Variants in SCAPER observed in about 807,000 individuals in gnomAD.
SCAPER encodes S phase cyclin A-associated protein in the endoplasmic reticulum.
A neutral mutation model predicts 182.2 loss-of-function variants in SCAPER; 98 were observed. That is an observed-to-expected ratio of 0.54 (90% CI 0.46 to 0.64). SCAPER has a LOEUF of 0.64. Ranked by LOEUF, SCAPER falls within the 30% of genes least tolerant of loss-of-function variation. SCAPER has a pLI of 0.00. For synonymous variants in SCAPER, 605 were observed against 564.6 expected (o/e 1.07, Z -1.01); for missense variants, 1,432 against 1,690.0 (o/e 0.85, Z 2.68).
intron 25 of SCAPER, among the ~76,000 whole-genome samples, chr15:76,466,525 T>C (rs780368524): frequency 1.3e-5 from 2 of 149,926 alleles, no homozygotes; most frequent in South Asian, 2.1e-4. Context: ...ATGAGGGCTA[T>C]TTTGAATTCT....
intron 22 of SCAPER, among the ~76,000 whole-genome samples, chr15:76,591,207 ATGCAGGG>A (rs913684175): frequency 6.6e-6 from 1 of 152,058 alleles, no homozygotes; most frequent in Non-Finnish European, 1.5e-5. Flanking sequence ...AAAAAGAAAA[ATGCAGGG>A]TCCTTCATTC....
At chr15:76,902,153 T>C (rs1209729341) in intron 1 of SCAPER, among the ~76,000 whole-genome samples, 1 of 152,204 alleles carries the variant, frequency 6.6e-6, no homozygotes, top group Non-Finnish European at 1.5e-5. Flanking sequence ...CACCATGGAA[T>C]ACTATGCAGC....
intron 21 of SCAPER, among the ~76,000 whole-genome samples, chr15:76,655,511 G>A (rs1000674624): frequency 6.6e-6 from 1 of 152,150 alleles, no homozygotes; most frequent in Non-Finnish European, 1.5e-5. Context: ...ACTCTAGAGA[G>A]GATAACATTC....
intron 23 of SCAPER, among the ~76,000 whole-genome samples, chr15:76,532,718 C>G (rs898838938): frequency 3.3e-5 from 5 of 152,062 alleles, no homozygotes; most frequent in Admixed American, 2.0e-4. Context: ...ATAGCATGCA[C>G]AGATAGGCAG....
chr15:76,511,841 ATATGTG>A lies in SCAPER; in HGVS notation c.2839-6873_2839-6868del, dbSNP rs1290222618. ...AAAGATACACTTATTATATATATATATATGTGTGTGTGTGTGTGTGTGTGTGTGTGT... is the reference window on the plus strand; with the variant it reads ...AAAGATACACTTATTATATATATATATGTGTGTGTGTGTGTGTGTGTGTGT... On this transcript the variant is annotated intron_variant, in intron 23 of 31. Transcript: ENST00000563290. Among the ~76,000 whole-genome samples the A allele has an allele frequency of 6.3e-4, 66 of 104,830 alleles. 1 individual carries two copies. The highest frequency in any genetic ancestry group is 1.9e-3 in the East Asian group (6 of 3,144). 68.8% of individuals were successfully genotyped at this position (104,830 alleles called of 152,430 possible). A position where few individuals can be genotyped will look rare whatever the true frequency, so the allele number is the denominator to read the frequency against.
At chr15:76,761,712 A>G (rs979437438) in intron 14 of SCAPER, among the ~76,000 whole-genome samples, 1 of 152,206 alleles carries the variant, frequency 6.6e-6, no homozygotes, top group African/African-American at 2.4e-5. Context: ...CACATGATCT[A>G]TTCTGAAGAA....
chr15:76,771,900 A>T lies in SCAPER; in HGVS notation c.1090T>A (p.Tyr364Asn), dbSNP rs932150100. 4 of 1,612,628 alleles carry T rather than the reference A, an allele frequency of 2.5e-6. No individual in the cohort carries two copies. Among genetic ancestry groups the T allele is most frequent in the Admixed American group, 1.7e-5 (1 of 59,978 alleles). The stretch of plus-strand genomic sequence containing the variant: ...GCAGATATTTCAGAAGTTCGAACAT[A>T]ATTGTCTCGAATACTGCCAGAATTC... ...VKNSGSIRDNYVRTSEISAVH... is the reference protein window; with the variant it reads ...VKNSGSIRDNNVRTSEISAVH... The change falls in exon 10 of 32, where the codon TAT (tyrosine) becomes AAT (asparagine). Residue 364 changes from tyrosine (Y) to asparagine (N), a missense_variant. This residue lies in a region of SCAPER where 480 missense variants were observed against 510.2 expected (regional missense o/e 0.94). Coordinates refer to ENST00000563290, the MANE Select transcript of SCAPER (RefSeq NM_020843.4).
In SCAPER at chr15:76,354,011, GGTT is replaced by G. The variant is rs780046376; in HGVS notation, c.3982_3984del (p.Asn1328del). 1 of 1,606,118 alleles carries G rather than the reference GGTT, an allele frequency of 6.2e-7. No homozygotes were observed. The highest frequency in any genetic ancestry group is 8.5e-7 in the Non-Finnish European group (1 of 1,177,666). On this transcript the variant is annotated inframe_deletion, in exon 30 of 32. Transcript: ENST00000563290. The surrounding 1 kb of genome is among the most constrained non-coding windows in gnomAD (Gnocchi z 4.4). ...TGCTCCAGAATGATCTTGTTCTGAT[GGTT>G]GTTGTAACAAGCAGCGATAAGTGAA...
chr15:76,857,002 T>C (rs2071439812), intron 4 of SCAPER, among the ~76,000 whole-genome samples: 1 of 152,228 alleles, frequency 6.6e-6, no homozygotes, highest in African/African-American at 2.4e-5. Context: ...TTATTAGAGC[T>C]ATTTAAAATT....
chr15:76,507,863 T>C (rs1202556361), intron 23 of SCAPER, among the ~76,000 whole-genome samples: 1 of 152,224 alleles, frequency 6.6e-6, no homozygotes, highest in Non-Finnish European at 1.5e-5. Context: ...CTTAATACTG[T>C]AATGCTGTTG....
chr15:76,799,451 T>TG (rs951760523), intron 7 of SCAPER, among the ~76,000 whole-genome samples: 1 of 150,046 alleles, frequency 6.7e-6, no homozygotes, highest in Non-Finnish European at 1.5e-5. Context: ...TTAGTAGAGA[T>TG]GGGGTTTTGC....
At chr15:76,838,655 CAA>C (rs2151757351) in intron 5 of SCAPER, among the ~76,000 whole-genome samples, 1 of 152,302 alleles carries the variant, frequency 6.6e-6, no homozygotes, top group South Asian at 2.1e-4. Context: ...TCTCTATATC[CAA>C]AAGTGTCCCC....
chr15:76,901,948 T>C (rs867076316), intron 1 of SCAPER, among the ~76,000 whole-genome samples: 5 of 152,186 alleles, frequency 3.3e-5, no homozygotes, highest in Non-Finnish European at 7.3e-5. Context: ...CTCGATCTCC[T>C]GACCTTGTGA....
At chr15:76,609,384 G>C (rs1490870158) in intron 22 of SCAPER, among the ~76,000 whole-genome samples, 1 of 151,988 alleles carries the variant, frequency 6.6e-6, no homozygotes, top group East Asian at 1.9e-4. Flanking sequence ...AACTACCGAG[G>C]AGGCTGAGTT....
intron 16 of SCAPER, 134 bp downstream of exon 16, chr15:76,733,095 T>G: frequency 1.2e-6 from 1 of 842,010 alleles, no homozygotes; most frequent in Admixed American, 2.9e-5. Flanking sequence ...GTCTTTTATT[T>G]CTTTGTCTTA....
chr15:76,549,984 A>C (rs2045621393), intron 23 of SCAPER, among the ~76,000 whole-genome samples: 1 of 152,226 alleles, frequency 6.6e-6, no homozygotes, highest in South Asian at 2.1e-4. Flanking sequence ...AAACTTCTGC[A>C]TAACAAAGGA....
chr15:76,543,443 A>G (rs886662723), intron 23 of SCAPER, among the ~76,000 whole-genome samples: 4 of 152,182 alleles, frequency 2.6e-5, no homozygotes, highest in African/African-American at 9.7e-5. Context: ...TACTGATGGT[A>G]AGAGAAAGAT....
chr15:76,854,401 A>G (rs1417119203), intron 4 of SCAPER, among the ~76,000 whole-genome samples: 2 of 152,188 alleles, frequency 1.3e-5, no homozygotes, highest in African/African-American at 2.4e-5. Context: ...ACAGCTAACC[A>G]GGGAGGAGAA....
At chr15:76,721,899 C>T (rs1404704443) in intron 17 of SCAPER, among the ~76,000 whole-genome samples, 1 of 152,172 alleles carries the variant, frequency 6.6e-6, no homozygotes, top group East Asian at 1.9e-4. Flanking sequence ...TCCCCTTTTC[C>T]TAATTGAATG....
Sources: allele counts gnomAD v4.1 joint callset (sites outside exome capture counted in the v4.1 genomes callset), GRCh38; gene constraint gnomAD v4.1.1; regional missense constraint gnomAD v4.1.1; non-coding constraint Gnocchi (gnomAD v3.1); transcripts MANE v1.5; gene names NCBI Gene and HGNC (gene_info 2026-07-23, HGNC 2026-07-21).